The following ATRNL1 variants were observed in gnomAD, a reference collection of about 807,000 sequenced individuals.
ATRNL1 encodes attractin like 1, also known as attractin-like protein 1.
Under a neutral mutation model 182.7 loss-of-function variants are expected in ATRNL1, and 95 were observed. That is an observed-to-expected ratio of 0.52 (90% confidence interval 0.44 to 0.62). The LOEUF (loss-of-function observed/expected upper bound fraction) is 0.62. Among genes scored for constraint, ATRNL1 ranks in the 20% least tolerant of loss-of-function variants. The probability of loss-of-function intolerance (pLI) is 0.00; values close to 1 mark genes in which losing one functional copy is unlikely to be tolerated. For synonymous variants in ATRNL1, 576 were observed against 568.3 expected (o/e 1.01, Z -0.19); for missense variants, 1,471 against 1,679.5 (o/e 0.88, Z 2.17).
intron 26 of ATRNL1, among the ~76,000 whole-genome samples, chr10:115,623,929 G>A (rs1555023860): frequency 6.6e-6 from 1 of 152,020 alleles, no homozygotes; most frequent in Non-Finnish European, 1.5e-5. Flanking sequence ...CTAGGGCTCA[G>A]GATATTTTTA....
chr10:115,562,101 C>A (rs782440776), intron 26 of ATRNL1, among the ~76,000 whole-genome samples: 1 of 152,086 alleles, frequency 6.6e-6, no homozygotes, highest in Non-Finnish European at 1.5e-5. Flanking sequence ...TTCATTACAG[C>A]TTTAAAGTAG....
At chr10:115,422,293 T>G (rs569139611) in intron 20 of ATRNL1, among the ~76,000 whole-genome samples, 1 of 152,242 alleles carries the variant, frequency 6.6e-6, no homozygotes, top group South Asian at 2.1e-4. Context: ...AAACTATGCA[T>G]CCCACAAGGA....
intron 27 of ATRNL1, among the ~76,000 whole-genome samples, chr10:115,812,498 C>T (rs188917111): frequency 1.7e-4 from 26 of 152,206 alleles, no homozygotes; most frequent in East Asian, 5.8e-4. Context: ...CTTAAGCAGA[C>T]GGAGTTTTGT....
chr10:115,224,900 C>A (rs557494626), intron 9 of ATRNL1, among the ~76,000 whole-genome samples: 1 of 152,112 alleles, frequency 6.6e-6, no homozygotes, highest in South Asian at 2.1e-4. Flanking sequence ...AAAACAAATT[C>A]TCCAGGCCGT....
At position 115,948,855 on chromosome 10, in the gene ATRNL1, T is replaced by G. The variant is rs1953931375; in HGVS notation, c.*4076T>G. Reference sequence around the variant, plus strand: ...GAACCAGAGCTCCTATCAGTATATATGTACACAGGTGTGCATGCCAGTGTT... The same window carrying G: ...GAACCAGAGCTCCTATCAGTATATAGGTACACAGGTGTGCATGCCAGTGTT... On this transcript the variant is annotated 3_prime_UTR_variant, in exon 29 of 29. Coordinates refer to ENST00000355044, the MANE Select transcript of ATRNL1 (RefSeq NM_207303.4). 7.6e-6 allele frequency: 1 copy of G among 131,814 alleles called. No homozygotes were observed. Among genetic ancestry groups the G allele is most frequent in the African/African-American group, 2.9e-5 (1 of 34,892 alleles). 8.2% of individuals were successfully genotyped at this position (131,814 alleles called of 1,614,324 possible).
intron 20 of ATRNL1, among the ~76,000 whole-genome samples, chr10:115,417,274 A>G (rs1363002890): frequency 6.6e-6 from 1 of 152,206 alleles, no homozygotes; most frequent in Non-Finnish European, 1.5e-5. Context: ...CAGTCTCTGC[A>G]GTGAACCTAG....
chr10:115,304,947 G>T (rs1853653509), intron 17 of ATRNL1, among the ~76,000 whole-genome samples: 2 of 152,006 alleles, frequency 1.3e-5, no homozygotes, highest in African/African-American at 2.4e-5. Context: ...GTTTTAAAAA[G>T]AAATGAAAAC....
chr10:115,424,633 G>A (rs1162074087), intron 20 of ATRNL1, among the ~76,000 whole-genome samples: 1 of 152,090 alleles, frequency 6.6e-6, no homozygotes, highest in Non-Finnish European at 1.5e-5. Context: ...GACACAACAT[G>A]GATGAACCTA....
intron 8 of ATRNL1, among the ~76,000 whole-genome samples, chr10:115,206,264 G>T (rs1348487356): frequency 6.6e-6 from 1 of 151,998 alleles, no homozygotes; most frequent in Admixed American, 6.6e-5. Flanking sequence ...TTTTTCAACA[G>T]TTTAATTGTT....
At chr10:115,794,654 A>C (rs1949608306) in intron 27 of ATRNL1, among the ~76,000 whole-genome samples, 1 of 152,122 alleles carries the variant, frequency 6.6e-6, no homozygotes, top group Admixed American at 6.5e-5. Flanking sequence ...GGTGATATTC[A>C]CTTCAGCAAA....
Position 115,349,000 on chromosome 10 carries a change from C to T in ATRNL1, c.3175+14581C>T, listed in dbSNP as rs879960224. Among the ~76,000 whole-genome samples the T allele has an allele frequency of 7.2e-5, 11 of 152,246 alleles. 2 individuals are homozygous for T. Among genetic ancestry groups the T allele is most frequent in the Admixed American group, 7.2e-4 (11 of 15,290 alleles). ...ACTCTTCTGGATCTTTTGAAATATA[C>T]AATAAATTATTTTAAACTATAGTCA... On this transcript the variant is annotated intron_variant, in intron 19 of 28. Transcript: ENST00000355044.
chr10:115,203,425 C>T (rs556513714), intron 8 of ATRNL1, among the ~76,000 whole-genome samples: 1 of 151,986 alleles, frequency 6.6e-6, no homozygotes, highest in Non-Finnish European at 1.5e-5. Flanking sequence ...AACTGTCTAA[C>T]TGAATGTTTA....
intron 10 of ATRNL1, among the ~76,000 whole-genome samples, chr10:115,247,915 A>G (rs1201809943): frequency 5.3e-5 from 8 of 152,244 alleles, no homozygotes; most frequent in African/African-American, 1.9e-4. Context: ...GAAATAAGCC[A>G]GGAACAGAAA....
intron 8 of ATRNL1, among the ~76,000 whole-genome samples, chr10:115,175,939 G>T (rs1374635940): frequency 2.0e-4 from 31 of 152,138 alleles, no homozygotes; most frequent in Admixed American, 2.0e-3. Context: ...GTGTAAAAGT[G>T]TTCCTGTTTC....
chr10:115,871,313 A>G (rs1202339269), intron 28 of ATRNL1, among the ~76,000 whole-genome samples: 3 of 151,242 alleles, frequency 2.0e-5, no homozygotes, highest in African/African-American at 7.3e-5. Flanking sequence ...AACAATGACA[A>G]TGACAACAAA....
intron 27 of ATRNL1, among the ~76,000 whole-genome samples, chr10:115,757,207 C>G (rs1555072296): frequency 6.6e-6 from 1 of 152,046 alleles, no homozygotes; most frequent in East Asian, 1.9e-4. Flanking sequence ...CATTATGATG[C>G]TAGCTGGTTA....
At chr10:115,858,636 A>C (rs1265232288) in intron 28 of ATRNL1, among the ~76,000 whole-genome samples, 1 of 152,198 alleles carries the variant, frequency 6.6e-6, no homozygotes, top group Non-Finnish European at 1.5e-5. Context: ...GCAAACCACC[A>C]TGGCACACGT....
Position 115,561,716 on chromosome 10 carries a change from T to TGG in ATRNL1, c.3795+12181_3795+12182insGG, listed in dbSNP as rs1329127415. 5.9e-5 allele frequency among the ~76,000 whole-genome samples: 9 copies of TGG among 151,344 alleles called. No homozygotes were observed. The East Asian group carries it at 1.2e-3, about 20-fold the overall frequency. On this transcript the variant is annotated intron_variant, in intron 26 of 28. Transcript: ENST00000355044. ...GTGTGTGTGTGTGGGTGTGTGTGTG[T>TGG]GTGTGTGTTTGTGTGGTCAGTAACT...
chr10:115,690,171 C>T (rs1428598843), intron 26 of ATRNL1, among the ~76,000 whole-genome samples: 3 of 152,220 alleles, frequency 2.0e-5, no homozygotes, highest in Non-Finnish European at 4.4e-5. Context: ...GGATGGTGCG[C>T]TGTACCATCC....
Sources: allele counts gnomAD v4.1 joint callset (sites outside exome capture counted in the v4.1 genomes callset), GRCh38; gene constraint gnomAD v4.1.1; transcripts MANE v1.5; gene names NCBI Gene and HGNC (gene_info 2026-07-23, HGNC 2026-07-21).